Variants in RAB11A observed in about 807,000 individuals in gnomAD.
The protein encoded by RAB11A is ras-related protein Rab-11A.
Under a neutral mutation model 28.0 loss-of-function variants are expected in RAB11A, and 9 were observed. The observed-to-expected ratio is 0.32, with a 90% confidence interval of 0.19 to 0.56. RAB11A has a LOEUF of 0.56. Ranked by LOEUF, RAB11A falls within the 20% of genes least tolerant of loss-of-function variation. The pLI, the probability that RAB11A is intolerant of heterozygous loss-of-function variation, is 0.91. For synonymous variants in RAB11A, 85 were observed against 88.2 expected (o/e 0.96, Z 0.20); for missense variants, 108 against 269.6 (o/e 0.40, Z 4.20).
At chr15:65,870,931 C>CT (rs1162549637) in intron 1 of RAB11A, among the ~76,000 whole-genome samples, 2 of 151,846 alleles carry the variant, frequency 1.3e-5, no homozygotes, top group East Asian at 1.9e-4. Context: ...ACAGTAGATG[C>CT]TTTTTTTGTT....
chr15:65,886,378 T>A (rs2078255882), intron 4 of RAB11A, among the ~76,000 whole-genome samples: 1 of 152,264 alleles, frequency 6.6e-6, no homozygotes, highest in Non-Finnish European at 1.5e-5. Context: ...CATCTCAGTC[T>A]GGATTTATCT....
At position 65,869,630 on chromosome 15, in the gene RAB11A, G is replaced by A. The variant is rs2078145360; in HGVS notation, c.40+5G>A. The stretch of plus-strand genomic sequence containing the variant: ...AGTACGACTACCTCTTTAAAGGTGA[G>A]GCCATGGGCTCTCGCACTCTACACA... On this transcript the variant is annotated splice_donor_5th_base_variant and intron_variant, in intron 1 of 4. Coordinates refer to ENST00000261890, the MANE Select transcript of RAB11A (RefSeq NM_004663.5). The A allele has an allele frequency of 1.2e-6, 2 of 1,611,370 alleles. No homozygotes were observed.
chr15:65,878,094 T>A (rs2078200027), intron 3 of RAB11A, 139 bp downstream of exon 3: 1 of 914,604 alleles, frequency 1.1e-6, no homozygotes, highest in Admixed American at 1.8e-5. Context: ...AAGTTTGTGA[T>A]GACTGTATAG....
chr15:65,870,672 A>G lies in RAB11A; in HGVS notation c.40+1047A>G, dbSNP rs542123238. On this transcript the variant is annotated intron_variant, in intron 1 of 4. Coordinates refer to ENST00000261890, the MANE Select transcript of RAB11A (RefSeq NM_004663.5). ...TGCTGCAACGCTGGGAGGATCCAACAGGAAGGGAAGAGCCCTAGTTAGCCA... is the reference window on the plus strand; with the variant it reads ...TGCTGCAACGCTGGGAGGATCCAACGGGAAGGGAAGAGCCCTAGTTAGCCA... Among the ~76,000 whole-genome samples, 5 of 152,370 alleles carry G rather than the reference A, an allele frequency of 3.3e-5. No homozygotes were observed. In the East Asian group the frequency reaches 9.6e-4, roughly 29 times the overall value.
chr15:65,873,175 T>G (rs1358368936), intron 1 of RAB11A, among the ~76,000 whole-genome samples: 1 of 152,234 alleles, frequency 6.6e-6, no homozygotes, highest in Non-Finnish European at 1.5e-5. Context: ...TAAAGTTGAC[T>G]TTTTATTTTT....
rs2078199107 is a variant in RAB11A at position 65,877,942 on chromosome 15, A to G, written c.417A>G (p.Ala139=). ...TCAGGGCAGTTCCTACAGATGAAGC[A>G]AGAGCTTTTGCAGGTTAGTGATAGG... ...RHLRAVPTDE[A]RAFAEKNGLS... Residue 139 remains alanine (A), a synonymous_variant, in exon 3 of 5, where the codon GCA becomes GCG. Transcript: ENST00000261890. This position sits in a 1 kb window ranked among gnomAD's most constrained non-coding sequence, Gnocchi z 4.1. 1 of 1,613,232 alleles carries G rather than the reference A, an allele frequency of 6.2e-7. No individual in the cohort carries two copies. The highest frequency in any genetic ancestry group is 1.3e-5 in the African/African-American group (1 of 74,918).
In RAB11A at chr15:65,869,531, C is replaced by G; in HGVS notation, c.-55C>G. On this transcript the variant is annotated 5_prime_UTR_variant, in exon 1 of 5. Transcript: ENST00000261890. Reference sequence around the variant, plus strand: ...CTCGGGTTACCCCTGCAGCGACGCCCCCTGGTCCCACAGATACCACTGCTG... The same window carrying G: ...CTCGGGTTACCCCTGCAGCGACGCCGCCTGGTCCCACAGATACCACTGCTG... 1.3e-6 allele frequency: 2 copies of G among 1,596,830 alleles called. No individual in the cohort carries two copies. Among genetic ancestry groups the G allele is most frequent in the Non-Finnish European group, 1.7e-6 (2 of 1,173,448 alleles).
At chr15:65,881,156 CTT>C (rs368662648) in intron 4 of RAB11A, among the ~76,000 whole-genome samples, 235 of 152,280 alleles carry the variant, frequency 1.5e-3, no homozygotes, top group African/African-American at 5.3e-3. Context: ...GATAAGCAGT[CTT>C]TGGAACACAG....
intron 1 of RAB11A, among the ~76,000 whole-genome samples, chr15:65,870,406 CGCGCACTT>C (rs2078152480): frequency 6.6e-6 from 1 of 152,242 alleles, no homozygotes. Context: ...ATCACCCACT[CGCGCACTT>C]GTCGCAGTGA....
chr15:65,875,672 A>G (rs1273408771), intron 1 of RAB11A, among the ~76,000 whole-genome samples: 1 of 152,240 alleles, frequency 6.6e-6, no homozygotes, highest in Non-Finnish European at 1.5e-5. Flanking sequence ...TGACTGAGAA[A>G]GCCAGAAAGA....
At position 65,877,898 on chromosome 15, in the gene RAB11A, A is replaced by T; in HGVS notation, c.373A>T (p.Lys125Ter). The change falls in exon 3 of 5, where the codon AAG becomes TAG. Residue 125 changes from lysine (K) to a stop codon, truncating the protein, a stop_gained. Coordinates refer to ENST00000261890, the MANE Select transcript of RAB11A (RefSeq NM_004663.5). LOFTEE classifies it high-confidence loss of function. This position sits in a 1 kb window ranked among gnomAD's most constrained non-coding sequence, Gnocchi z 4.1. The part of the protein sequence containing the change: ...SNIVIMLVGN[K>*]SDLRHLRAVP... ...CATTGTTATCATGCTTGTGGGCAAT[A>T]AGAGTGATCTACGTCATCTCAGGGC... The T allele has an allele frequency of 6.2e-7, 1 of 1,614,030 alleles. No homozygotes were observed. The highest frequency in any genetic ancestry group is 8.5e-7 in the Non-Finnish European group (1 of 1,179,886).
Position 65,869,509 on chromosome 15 carries a change from G to A in RAB11A, c.-77G>A, listed in dbSNP as rs909065292. The stretch of plus-strand genomic sequence containing the variant: ...GTCCGGCAGTTGAAGCTCGGCGCTC[G>A]GGTTACCCCTGCAGCGACGCCCCCT... On this transcript the variant is annotated 5_prime_UTR_variant, in exon 1 of 5. Coordinates refer to ENST00000261890, the MANE Select transcript of RAB11A (RefSeq NM_004663.5). The A allele has an allele frequency of 1.3e-6, 2 of 1,554,148 alleles. No individual in the cohort carries two copies. Among genetic ancestry groups the A allele is most frequent in the Non-Finnish European group, 1.7e-6 (2 of 1,149,652 alleles).
intron 1 of RAB11A, among the ~76,000 whole-genome samples, chr15:65,870,343 C>T (rs2078151989): frequency 6.6e-6 from 1 of 152,252 alleles, no homozygotes; most frequent in African/African-American, 2.4e-5. Context: ...TTTAGAGCTC[C>T]CTTGTCTCCG....
chr15:65,872,498 G>C (rs2078168340), intron 1 of RAB11A, among the ~76,000 whole-genome samples: 1 of 149,706 alleles, frequency 6.7e-6, no homozygotes, highest in Non-Finnish European at 1.5e-5. Flanking sequence ...GCAATGACGC[G>C]ATCTCGGCTC....
chr15:65,876,819 G>A (rs1342090720), intron 1 of RAB11A, among the ~76,000 whole-genome samples: 1 of 152,196 alleles, frequency 6.6e-6, no homozygotes, highest in Non-Finnish European at 1.5e-5. Context: ...CTAGGTCTCA[G>A]TCCTGAGGTC....
At position 65,887,841 on chromosome 15, in the gene RAB11A, G is replaced by C. The variant is rs759560161; in HGVS notation, c.*1G>C. On this transcript the variant is annotated 3_prime_UTR_variant, in exon 5 of 5. Transcript: ENST00000261890. ...GGTGCAGTGCTGTCAGAACATCTAAGGCATTTCTCTTCTCCCCTAGAAGGC... is the reference window on the plus strand; with the variant it reads ...GGTGCAGTGCTGTCAGAACATCTAACGCATTTCTCTTCTCCCCTAGAAGGC... 62 of 1,603,974 alleles carry C rather than the reference G, an allele frequency of 3.9e-5. 1 individual carries two copies. Among genetic ancestry groups the C allele is most frequent in the Non-Finnish European group, 5.1e-5 (60 of 1,176,494 alleles).
chr15:65,885,043 A>T (rs567678394), intron 4 of RAB11A, among the ~76,000 whole-genome samples: 27 of 139,386 alleles, frequency 1.9e-4, no homozygotes, highest in Admixed American at 7.5e-4. Context: ...CTCACTGCTC[A>T]CTGAGTGAGA....
chr15:65,875,048 A>G (rs2078183991), intron 1 of RAB11A, among the ~76,000 whole-genome samples: 1 of 152,086 alleles, frequency 6.6e-6, no homozygotes, highest in Admixed American at 6.5e-5. Flanking sequence ...CCTGTCTCAA[A>G]AAAAGAAAGA....
Position 65,877,973 on chromosome 15 carries a change from CATG to C in RAB11A, c.430+21_430+23del. 1 of 1,593,874 alleles carries C rather than the reference CATG, an allele frequency of 6.3e-7. No homozygotes were observed. The highest frequency in any genetic ancestry group is 8.6e-7 in the Non-Finnish European group (1 of 1,161,718). On this transcript the variant is annotated intron_variant, in intron 3 of 4. Transcript: ENST00000261890. This position sits in a 1 kb window ranked among gnomAD's most constrained non-coding sequence, Gnocchi z 4.1. ...TTTTGCAGGTTAGTGATAGGAATTCCATGATATTTCTTACCATTGTGTCTTGTG... is the reference window on the plus strand; with the variant it reads ...TTTTGCAGGTTAGTGATAGGAATTCCATATTTCTTACCATTGTGTCTTGTG...
Sources: allele counts gnomAD v4.1 joint callset (sites outside exome capture counted in the v4.1 genomes callset), GRCh38; gene constraint gnomAD v4.1.1; non-coding constraint Gnocchi (gnomAD v3.1); transcripts MANE v1.5; gene names NCBI Gene and HGNC (gene_info 2026-07-23, HGNC 2026-07-21).